The following MOBP variants were observed in gnomAD, a reference collection of about 807,000 sequenced individuals.
The protein encoded by MOBP is myelin-associated oligodendrocyte basic protein.
MOBP carries 5 observed loss-of-function variants against 15.0 expected under a neutral mutation model. That is an observed-to-expected ratio of 0.33 (90% CI 0.17 to 0.70). The LOEUF is 0.70. MOBP is among the 30% of genes least tolerant of loss of function. The pLI is 0.67. For synonymous variants in MOBP, 88 were observed against 99.0 expected, an observed-to-expected ratio of 0.89 and a Z score of 0.66; for missense variants, 188 against 257.8, an observed-to-expected ratio of 0.73 and a Z score of 1.85.
chr3:39,469,178 ATG>A (rs369185818), intron 1 of MOBP, among the ~76,000 whole-genome samples: 7,239 of 77,036 alleles, frequency 0.094, 1,574 homozygotes, highest in Admixed American at 0.15. Context: ...ACATATATAC[ATG>A]TGTGTGTGTG....
intron 1 of MOBP, among the ~76,000 whole-genome samples, chr3:39,469,965 G>A (rs2042446270): frequency 2.6e-5 from 4 of 152,144 alleles, no homozygotes; most frequent in Admixed American, 2.6e-4. Flanking sequence ...CTTAAAGTGA[G>A]GTATTCAATT....
rs1491385715 is a variant in MOBP at position 39,468,759 on chromosome 3, CAT to C, written c.-89+1020_-89+1021del. Among the ~76,000 whole-genome samples, 215 of 129,624 alleles carry C rather than the reference CAT, an allele frequency of 1.7e-3. 38 individuals carry two copies. The highest frequency in any genetic ancestry group is 5.4e-3 in the African/African-American group (176 of 32,518). The allele number at this position is 129,624 out of a possible 152,430, so 85.0% of individuals were successfully genotyped here. On this transcript the variant is annotated intron_variant, in intron 1 of 3. Coordinates refer to ENST00000684792, the MANE Select transcript of MOBP (RefSeq NM_001393704.1). ...ATGTGTGTGTATATATACATATATA[CAT>C]GTGTGTGTATATATACATATATACA...
downstream of MOBP, among the ~76,000 whole-genome samples, chr3:39,516,907 C>A (rs1436661946): frequency 6.6e-6 from 1 of 152,150 alleles, no homozygotes; most frequent in Non-Finnish European, 1.5e-5. Context: ...TGGACCTGTA[C>A]TCTGAGACAG....
chr3:39,478,164 T>C (rs942074594), intron 1 of MOBP, among the ~76,000 whole-genome samples: 1 of 152,236 alleles, frequency 6.6e-6, no homozygotes, highest in Non-Finnish European at 1.5e-5. Context: ...AGAGCAACTT[T>C]TGGGTCTGCA....
At chr3:39,509,769 T>A (rs1016917819) in intron 4 of MOBP, among the ~76,000 whole-genome samples, 3 of 152,082 alleles carry the variant, frequency 2.0e-5, no homozygotes, top group Non-Finnish European at 2.9e-5. Flanking sequence ...TATTATTTTT[T>A]ATTTTTGATA....
chr3:39,469,294 ATATG>A (rs1179107159), intron 1 of MOBP, among the ~76,000 whole-genome samples: 16 of 139,568 alleles, frequency 1.1e-4, no homozygotes, highest in African/African-American at 4.1e-4. Context: ...ATATGTGTGT[ATATG>A]TATATATACA....
At chr3:39,485,233 CAGAT>C (rs1242156447) in intron 2 of MOBP, among the ~76,000 whole-genome samples, 1 of 152,220 alleles carries the variant, frequency 6.6e-6, no homozygotes, top group Admixed American at 6.5e-5. Flanking sequence ...CAAGGACAGA[CAGAT>C]AATGACATCC....
chr3:39,502,633 G>A lies in MOBP; in HGVS notation c.305G>A (p.Arg102Lys). The A allele has an allele frequency of 6.5e-7, 1 of 1,545,052 alleles. No homozygotes were observed. Residue 102 changes from arginine (R) to lysine (K), a missense_variant, in exon 4 of 4, where the codon AGG (arginine) becomes AAG (lysine). Physicochemically the swap from Arg to Lys is conservative, Grantham distance 26 (BLOSUM62 2). Transcript: ENST00000684792. This position sits in a 1 kb window ranked among gnomAD's most constrained non-coding sequence, Gnocchi z 6.3. ...CCAGCCAAGCCACGGTCCCCTCCGA[G>A]GTCTGAGCGTCAGCCACGGTCCCCT... ...RAPAKPRSPP[R>K]SERQPRSPPR...
At chr3:39,483,976 G>A (rs182825755) in intron 2 of MOBP, among the ~76,000 whole-genome samples, 4 of 152,290 alleles carry the variant, frequency 2.6e-5, no homozygotes, top group Admixed American at 6.5e-5. Flanking sequence ...GTCAACGTTC[G>A]TTCATTAAGT....
intron 2 of MOBP, among the ~76,000 whole-genome samples, chr3:39,487,209 C>T (rs1282375363): frequency 6.6e-6 from 1 of 151,942 alleles, no homozygotes; most frequent in Non-Finnish European, 1.5e-5. Context: ...TCCCAAAATA[C>T]TGGGATTACA....
At chr3:39,519,029 T>G (rs1215202329), downstream of MOBP, among the ~76,000 whole-genome samples, 1 of 152,164 alleles carries the variant, frequency 6.6e-6, no homozygotes, top group Non-Finnish European at 1.5e-5. Flanking sequence ...TTCTTTGATC[T>G]CTTAAGTACA....
chr3:39,478,568 A>T (rs7631217), intron 1 of MOBP, among the ~76,000 whole-genome samples: 41,669 of 151,626 alleles, frequency 0.27, 7,288 homozygotes, highest in African/African-American at 0.49. Flanking sequence ...CCTAACTCCT[A>T]CCTCTGTTTC....
chr3:39,507,546 G>A (rs939475027), downstream of MOBP, among the ~76,000 whole-genome samples: 2 of 152,222 alleles, frequency 1.3e-5, no homozygotes, highest in Non-Finnish European at 2.9e-5. Context: ...TAGGCATTAA[G>A]ATAGAGGTCA....
At chr3:39,519,959 GTTT>G (rs11303840), downstream of MOBP, among the ~76,000 whole-genome samples, 58 of 132,144 alleles carry the variant, frequency 4.4e-4, no homozygotes, top group Admixed American at 1.4e-3. Flanking sequence ...CATGACATCT[GTTT>G]TTTTTTTTTT....
At position 39,468,936 on chromosome 3, in the gene MOBP, TTGTGTGTATATATACATATATACATATG is replaced by T. The variant is rs1575276050; in HGVS notation, c.-89+1258_-89+1285del. 3.9e-4 allele frequency among the ~76,000 whole-genome samples: 21 copies of T among 54,020 alleles called. 1 individual carries two copies. In the South Asian group the frequency reaches 0.011, roughly 28 times the overall value. 35.4% of individuals were successfully genotyped at this position (54,020 alleles called of 152,430 possible). A position where few individuals can be genotyped will look rare whatever the true frequency, so the allele number is the denominator to read the frequency against. On this transcript the variant is annotated intron_variant, in intron 1 of 3. Coordinates refer to ENST00000684792, the MANE Select transcript of MOBP (RefSeq NM_001393704.1). ...GAGTGTGTATATATACATATATACA[TTGTGTGTATATATACATATATACATATG>T]TGTGTGTATATATACATATATACAT...
chr3:39,521,514 C>G (rs2043266534), intron 3 of MOBP, among the ~76,000 whole-genome samples: 1 of 151,990 alleles, frequency 6.6e-6, no homozygotes, highest in South Asian at 2.1e-4. Context: ...CTTTTGGAGC[C>G]CCTTTCATGG....
At chr3:39,512,918 T>C (rs2043138079) in intron 4 of MOBP, among the ~76,000 whole-genome samples, 1 of 152,240 alleles carries the variant, frequency 6.6e-6, no homozygotes, top group Admixed American at 6.5e-5. Flanking sequence ...TGGATGTTGT[T>C]TATCTCCTTC....
chr3:39,470,683 T>C (rs2042456840), intron 1 of MOBP, among the ~76,000 whole-genome samples: 1 of 152,204 alleles, frequency 6.6e-6, no homozygotes, highest in African/African-American at 2.4e-5. Context: ...ACTAAAAATA[T>C]CAGTTGTATT....
intron 1 of MOBP, among the ~76,000 whole-genome samples, chr3:39,476,258 A>G (rs2042544100): frequency 6.6e-6 from 1 of 152,192 alleles, no homozygotes. Context: ...GCCTCCCACC[A>G]GGGTCCATCT....
Sources: allele counts gnomAD v4.1 joint callset (sites outside exome capture counted in the v4.1 genomes callset), GRCh38; gene constraint gnomAD v4.1.1; non-coding constraint Gnocchi (gnomAD v3.1); transcripts MANE v1.5; gene names NCBI Gene and HGNC (gene_info 2026-07-23, HGNC 2026-07-21).